OR3A1: variants seen among roughly 807,000 people sequenced by gnomAD.
OR3A1 encodes the protein olfactory receptor 3A1.
For synonymous variants in OR3A1, 145 were observed against 160.0 expected, an observed-to-expected ratio of 0.91 and a Z score of 0.71; for missense variants, 402 against 393.8, an observed-to-expected ratio of 1.02 and a Z score of -0.18.
chr17:3,294,787 T>C (rs553827470), intron 1 of OR3A1, among the ~76,000 whole-genome samples: 2 of 152,290 alleles, frequency 1.3e-5, no homozygotes, highest in Admixed American at 1.3e-4. Flanking sequence ...ATGAAGAACA[T>C]GCCTGCAGTC....
Position 3,292,225 on chromosome 17 carries a change from C to G in OR3A1, c.358G>C (p.Ala120Pro). The G allele has an allele frequency of 6.2e-7, 1 of 1,614,072 alleles. No homozygotes were observed. Among genetic ancestry groups the G allele is most frequent in the Non-Finnish European group, 8.5e-7 (1 of 1,180,004 alleles). ...GCCAGGAATCGGTCATAGGCCATGG[C>G]GGTCAGCAGGAAGCAGTCCACTCCA... ...FVGVDCFLLT[A>P]MAYDRFLAIC... Residue 120 changes from alanine to proline, a missense_variant, in exon 2 of 2, where the codon GCC becomes CCC. Transcript: ENST00000323404.
chr17:3,295,703 C>T (rs1157938663), intron 1 of OR3A1, among the ~76,000 whole-genome samples: 1 of 151,204 alleles, frequency 6.6e-6, no homozygotes, highest in Non-Finnish European at 1.5e-5. Flanking sequence ...ACAGCCAAAA[C>T]CAAGTTAATT....
At chr17:3,294,538 T>TA (rs1389300818) in intron 1 of OR3A1, among the ~76,000 whole-genome samples, 3 of 152,124 alleles carry the variant, frequency 2.0e-5, no homozygotes, top group Non-Finnish European at 4.4e-5. Flanking sequence ...CAATTTTAAT[T>TA]AAAAAATTAC....
At position 3,298,298 on chromosome 17, in the gene OR3A1, C is replaced by T. The variant is rs1296057255; in HGVS notation, c.-22G>A. ...AGAGACTCACCTGGATTACCACTCT[C>T]AGGCATCCAGCTTGAGGCTCAGGCT... On this transcript the variant is annotated 5_prime_UTR_variant, in exon 1 of 2. Transcript: ENST00000323404. 6.6e-6 allele frequency: 1 copy of T among 152,192 alleles called. No homozygotes were observed. The highest frequency in any genetic ancestry group is 1.5e-5 in the Non-Finnish European group (1 of 68,048). 9.4% of individuals were successfully genotyped at this position (152,192 alleles called of 1,614,324 possible).
chr17:3,291,550 T>A lies in OR3A1; in HGVS notation c.*85A>T. The A allele has an allele frequency of 9.2e-7, 1 of 1,090,672 alleles. No individual in the cohort carries two copies. The highest frequency in any genetic ancestry group is 1.3e-6 in the Non-Finnish European group (1 of 761,488). 67.6% of individuals were successfully genotyped at this position (1,090,672 alleles called of 1,614,324 possible). A position where few individuals can be genotyped will look rare whatever the true frequency, so the allele number is the denominator to read the frequency against. On this transcript the variant is annotated 3_prime_UTR_variant, in exon 2 of 2. Transcript: ENST00000323404. ...TATGCCCATGAAACAGAAACAGGTG[T>A]GAACCATTTTTTTCCTAGTTTCTGG... is the stretch of plus-strand genomic sequence containing the variant.
rs141466734 is a variant in OR3A1, at chr17:3,293,574, T to C, written c.-6-986A>G. Among the ~76,000 whole-genome samples, 895 of 152,002 alleles carry C rather than the reference T, an allele frequency of 5.9e-3. 3 individuals carry two copies. Among genetic ancestry groups the C allele is most frequent in the Non-Finnish European group, 9.4e-3 (642 of 67,982 alleles). Reference sequence around the variant, plus strand: ...GATTAAAACAAACCTGCACATCATATAAACAAGGATTCTACAAGAAAAAAG... The same window carrying C: ...GATTAAAACAAACCTGCACATCATACAAACAAGGATTCTACAAGAAAAAAG... On this transcript the variant is annotated intron_variant, in intron 1 of 1. Transcript: ENST00000323404.
chr17:3,293,127 T>C (rs1266572466), intron 1 of OR3A1, among the ~76,000 whole-genome samples: 2 of 146,882 alleles, frequency 1.4e-5, no homozygotes. Context: ...CATGACTGTA[T>C]AAGAGTTAAA....
intron 1 of OR3A1, among the ~76,000 whole-genome samples, chr17:3,297,307 CCCTTA>C (rs1473475746): frequency 6.6e-6 from 1 of 152,152 alleles, no homozygotes; most frequent in Non-Finnish European, 1.5e-5. Flanking sequence ...CAGAACAATT[CCCTTA>C]CATATTAAGT....
In OR3A1 at chr17:3,291,668, C is replaced by T. The variant is rs1163869275; in HGVS notation, c.915G>A (p.Trp305Ter). Residue 305 changes from tryptophan to a stop codon, truncating the protein, a stop_gained, in exon 2 of 2, where the codon TGG becomes TGA. Transcript: ENST00000323404. LOFTEE classifies it low-confidence loss of function (END_TRUNC). ...GTGACCGCCTCCCTGTGAGCATCCTCCAGATGGCACTCTGCACATCAGGGT... is the reference window on the plus strand; with the variant it reads ...GTGACCGCCTCCCTGTGAGCATCCTTCAGATGGCACTCTGCACATCAGGGT... ...FRNPDVQSAI[W>*]RMLTGRRSLA 1 of 1,605,488 alleles carries T rather than the reference C, an allele frequency of 6.2e-7. No homozygotes were observed. The highest frequency in any genetic ancestry group is 1.7e-5 in the Admixed American group (1 of 59,894).
chr17:3,293,016 A>G (rs1226202612), intron 1 of OR3A1, among the ~76,000 whole-genome samples: 1 of 152,162 alleles, frequency 6.6e-6, no homozygotes, highest in Admixed American at 6.5e-5. Flanking sequence ...CTTCAAAGAA[A>G]CTAGTAAGTG....
At chr17:3,297,528 A>G (rs1285352426) in intron 1 of OR3A1, among the ~76,000 whole-genome samples, 2 of 147,984 alleles carry the variant, frequency 1.4e-5, no homozygotes, top group Non-Finnish European at 2.9e-5. Flanking sequence ...GTCCTGCCCC[A>G]TCTCATATTC....
At chr17:3,294,305 TAAAG>T (rs1338833556) in intron 1 of OR3A1, among the ~76,000 whole-genome samples, 1 of 151,488 alleles carries the variant, frequency 6.6e-6, no homozygotes, top group Non-Finnish European at 1.5e-5. Context: ...GAAAAGATGT[TAAAG>T]AAATGTAAAA....
chr17:3,294,544 A>G (rs2048904671), intron 1 of OR3A1, among the ~76,000 whole-genome samples: 1 of 152,222 alleles, frequency 6.6e-6, no homozygotes, highest in Non-Finnish European at 1.5e-5. Flanking sequence ...TAATTAAAAA[A>G]TTACAGAAAC....
At chr17:3,296,298 GATA>G (rs56678981) in intron 1 of OR3A1, among the ~76,000 whole-genome samples, 2,133 of 152,178 alleles carry the variant, frequency 0.014, 32 homozygotes, top group African/African-American at 0.048. Context: ...AGAAAAAGGA[GATA>G]ATGACAGCAG....
chr17:3,295,551 G>A (rs1165434756), intron 1 of OR3A1, among the ~76,000 whole-genome samples: 1 of 151,960 alleles, frequency 6.6e-6, no homozygotes, highest in Non-Finnish European at 1.5e-5. Context: ...AACAATAAAA[G>A]CAAACAGTAT....
At position 3,291,905 on chromosome 17, in the gene OR3A1, A is replaced by G. The variant is rs775608231; in HGVS notation, c.678T>C (p.Ala226=). Residue 226 remains alanine, a synonymous_variant, in exon 2 of 2, where the codon GCT becomes GCC. Transcript: ENST00000323404. ...CTACAGAGCGAATTCGCAGGACTGC[A>G]GCTGCCACGTGGATATAGGAGATGA... ...LIVISYIHVA[A]AVLRIRSVEG... 2 of 1,614,250 alleles carry G rather than the reference A, an allele frequency of 1.2e-6. No homozygotes were observed. Among genetic ancestry groups the G allele is most frequent in the South Asian group, 2.2e-5 (2 of 91,082 alleles).
intron 1 of OR3A1, among the ~76,000 whole-genome samples, chr17:3,297,608 G>A (rs868562798): frequency 6.6e-6 from 1 of 151,542 alleles, no homozygotes; most frequent in African/African-American, 2.4e-5. Context: ...CCTCTCACAC[G>A]GACATTTCTC....
intron 1 of OR3A1, among the ~76,000 whole-genome samples, chr17:3,297,958 C>T (rs935881336): frequency 2.0e-4 from 30 of 151,718 alleles, no homozygotes; most frequent in African/African-American, 6.5e-4. Flanking sequence ...ATCTAGATGG[C>T]GTGGGGTTTC....
chr17:3,292,462 T>C lies in OR3A1; in HGVS notation c.121A>G (p.Thr41Ala), dbSNP rs199817047. 1 of 1,612,248 alleles carries C rather than the reference T, an allele frequency of 6.2e-7. No homozygotes were observed. The highest frequency in any genetic ancestry group is 8.5e-7 in the Non-Finnish European group (1 of 1,179,690). Residue 41 changes from threonine (T) to alanine (A), a missense_variant, in exon 2 of 2, where the codon ACG becomes GCG. Transcript: ENST00000323404. ...FVLFLFAYLV[T>A]VRGNLSILAA... ...AGGATGCTGAGGTTGCCCCTGACCGTGACCAGGTAGGCAAAGAGGAAGAGC... is the reference window on the plus strand; with the variant it reads ...AGGATGCTGAGGTTGCCCCTGACCGCGACCAGGTAGGCAAAGAGGAAGAGC...
Sources: gnomAD v4.1 joint callset for allele counts (sites outside exome capture counted in the v4.1 genomes callset) on GRCh38, gnomAD v4.1.1 for gene constraint, MANE v1.5 for transcripts, NCBI Gene and HGNC (gene_info 2026-07-23, HGNC 2026-07-21) for gene names.